Variants in NEK7 observed in about 807,000 individuals in gnomAD.
NEK7 encodes the protein serine/threonine-protein kinase Nek7.
Under a neutral mutation model 44.6 loss-of-function variants are expected in NEK7, and 18 were observed. The observed-to-expected ratio is 0.40, with a 90% CI of 0.28 to 0.60. The LOEUF (loss-of-function observed/expected upper bound fraction) is 0.60. Among genes scored for constraint, NEK7 ranks in the 20% least tolerant of loss-of-function variants. The pLI is 0.38. For missense variants in NEK7, 256 were observed against 366.5 expected (o/e 0.70, Z 2.46); for synonymous variants, 130 against 121.1 (o/e 1.07, Z -0.48).
intron 1 of NEK7, among the ~76,000 whole-genome samples, chr1:198,177,743 G>A (rs1001641334): frequency 6.6e-6 from 1 of 152,060 alleles, no homozygotes; most frequent in Admixed American, 6.6e-5. Context: ...CAGTTCCTCA[G>A]CTAACCTCGG....
intron 1 of NEK7, among the ~76,000 whole-genome samples, chr1:198,173,480 A>G (rs1664512083): frequency 6.6e-6 from 1 of 151,926 alleles, no homozygotes; most frequent in Admixed American, 6.6e-5. Context: ...ATAAATGCCC[A>G]ATGAATACTG....
At chr1:198,287,004 G>A (rs888121936) in intron 7 of NEK7, among the ~76,000 whole-genome samples, 10 of 152,132 alleles carry the variant, frequency 6.6e-5, no homozygotes, top group African/African-American at 2.2e-4. Context: ...TGGCTGCAAA[G>A]TCTCTTGCCA....
rs1654454354 is a variant in NEK7 at position 198,288,670 on chromosome 1, T to C, written c.590-4275T>C. Among the ~76,000 whole-genome samples, 8 of 152,310 alleles carry C rather than the reference T, an allele frequency of 5.3e-5. No individual in the cohort carries two copies. The South Asian group carries it at 1.7e-3, about 32-fold the overall frequency. ...TAATAATTGAAACATCTTATAAAAC[T>C]ACCTTATAATAGTCCCCGTTTTCAC... is the stretch of plus-strand genomic sequence containing the variant. On this transcript the variant is annotated intron_variant, in intron 7 of 9. Coordinates refer to ENST00000367385, the MANE Select transcript of NEK7 (RefSeq NM_133494.3).
intron 3 of NEK7, among the ~76,000 whole-genome samples, chr1:198,261,993 AT>A (rs932194921): frequency 6.6e-6 from 1 of 151,768 alleles, no homozygotes; most frequent in African/African-American, 2.4e-5. Flanking sequence ...CAAAGAACCA[AT>A]TTTCACCCCC....
intron 9 of NEK7, among the ~76,000 whole-genome samples, chr1:198,310,704 T>C (rs1655155040): frequency 6.6e-6 from 1 of 152,302 alleles, no homozygotes; most frequent in Admixed American, 6.5e-5. Flanking sequence ...TAGGGAATCC[T>C]TTCCCCATTG....
intron 1 of NEK7, among the ~76,000 whole-genome samples, chr1:198,177,750 T>G (rs1370127848): frequency 6.6e-6 from 1 of 151,906 alleles, no homozygotes; most frequent in Non-Finnish European, 1.5e-5. Context: ...TCAGCTAACC[T>G]CGGGTTGTGT....
At chr1:198,317,627 G>A (rs528040037) in intron 9 of NEK7, among the ~76,000 whole-genome samples, 36 of 152,268 alleles carry the variant, frequency 2.4e-4, no homozygotes, top group African/African-American at 8.7e-4. Context: ...CTTGAAGGAT[G>A]TGGCAGTGTT....
chr1:198,266,774 A>C (rs1022048215), intron 5 of NEK7, among the ~76,000 whole-genome samples: 6 of 152,132 alleles, frequency 3.9e-5, no homozygotes, highest in Non-Finnish European at 8.8e-5. Flanking sequence ...ATGTATGTGC[A>C]CATACCCATC....
intron 2 of NEK7, among the ~76,000 whole-genome samples, chr1:198,240,468 A>G (rs1043727315): frequency 2.3e-4 from 35 of 151,178 alleles, no homozygotes; most frequent in Non-Finnish European, 4.0e-4. Context: ...ACTTTATTTG[A>G]AACAGTTTAA....
chr1:198,212,047 G>A (rs1024618664), intron 1 of NEK7, among the ~76,000 whole-genome samples: 2 of 152,196 alleles, frequency 1.3e-5, no homozygotes, highest in Admixed American at 6.5e-5. Flanking sequence ...GCATTCGGAT[G>A]TGTCTTGCGT....
intron 1 of NEK7, among the ~76,000 whole-genome samples, chr1:198,165,761 G>A (rs1571494627): frequency 6.6e-6 from 1 of 152,190 alleles, no homozygotes; most frequent in East Asian, 1.9e-4. Context: ...GCCTGTTCTT[G>A]AAGCTTTGAA....
At chr1:198,301,336 G>T (rs976523415) in intron 9 of NEK7, among the ~76,000 whole-genome samples, 1 of 152,126 alleles carries the variant, frequency 6.6e-6, no homozygotes, top group African/African-American at 2.4e-5. Flanking sequence ...GGATCACGAA[G>T]TCAGGAGATC....
intron 7 of NEK7, among the ~76,000 whole-genome samples, chr1:198,286,102 G>A (rs191093129): frequency 7.9e-5 from 12 of 152,088 alleles, no homozygotes; most frequent in Admixed American, 5.2e-4. Context: ...GCTTATTTTG[G>A]TCAATTTAAA....
rs10922374 is a variant in NEK7, at chr1:198,196,637, C to T, written c.-28-35916C>T. ...CTCTGTGATTCTTCGAACTTTTTCT[C>T]ATAAAGAAAACCTGGCTGCTTTAGC... is the stretch of plus-strand genomic sequence containing the variant. On this transcript the variant is annotated intron_variant, in intron 1 of 9. Coordinates refer to ENST00000367385, the MANE Select transcript of NEK7 (RefSeq NM_133494.3). Among the ~76,000 whole-genome samples, 39 of 152,188 alleles carry T rather than the reference C, an allele frequency of 2.6e-4. No individual in the cohort carries two copies. The South Asian group carries it at 8.1e-3, about 32-fold the overall frequency.
At position 198,254,293 on chromosome 1, in the gene NEK7, C is replaced by T. The variant is rs146153833; in HGVS notation, c.198+1113C>T. ...TCGACATGTGTGTGCTACTCCCTTC[C>T]CTCAGAGATAACCATATCCTGAATG... On this transcript the variant is annotated intron_variant, in intron 3 of 9. Transcript: ENST00000367385. 1.0e-3 allele frequency among the ~76,000 whole-genome samples: 156 copies of T among 152,210 alleles called. 1 individual carries two copies. Among genetic ancestry groups the T allele is most frequent in the Middle Eastern group, 6.8e-3 (2 of 294 alleles).
intron 9 of NEK7, among the ~76,000 whole-genome samples, chr1:198,304,628 C>T (rs928052855): frequency 1.3e-5 from 2 of 152,104 alleles, no homozygotes; most frequent in African/African-American, 4.8e-5. Flanking sequence ...ATTGTTATTA[C>T]CTGTACGTGA....
chr1:198,185,978 T>C (rs7526330), intron 1 of NEK7, among the ~76,000 whole-genome samples: 6,822 of 152,280 alleles, frequency 0.045, 570 homozygotes, highest in African/African-American at 0.16. Context: ...TCATCTTTTT[T>C]TGCTAAAACT....
intron 1 of NEK7, 73 bp downstream of exon 1, chr1:198,157,349 G>A (rs750402207): frequency 6.6e-6 from 1 of 152,280 alleles, no homozygotes; most frequent in African/African-American, 2.4e-5. Context: ...GCGGGAGTCG[G>A]GCCGGGAGAG....
At chr1:198,211,372 T>G (rs902563103) in intron 1 of NEK7, among the ~76,000 whole-genome samples, 16 of 152,198 alleles carry the variant, frequency 1.1e-4, no homozygotes, top group Non-Finnish European at 1.0e-4. Flanking sequence ...GAATGAAATA[T>G]GAAAACCCTA....
Sources: allele counts gnomAD v4.1 joint callset (sites outside exome capture counted in the v4.1 genomes callset), GRCh38; gene constraint gnomAD v4.1.1; transcripts MANE v1.5; gene names NCBI Gene and HGNC (gene_info 2026-07-23, HGNC 2026-07-21).